DCAF10: variants seen among roughly 807,000 people sequenced by gnomAD.
DCAF10 encodes the protein DDB1 and CUL4 associated factor 10, also known as DDB1- and CUL4-associated factor 10.
In DCAF10, 19 loss-of-function variants were observed where a neutral mutation model predicts 51.9. That is an observed-to-expected ratio of 0.37 (90% CI 0.26 to 0.54). The LOEUF is 0.54. DCAF10 is among the 20% of genes least tolerant of loss of function. The pLI, the probability that DCAF10 is intolerant of heterozygous loss-of-function variation, is 0.87. For missense variants in DCAF10, 510 were observed against 730.6 expected (o/e 0.70, Z 3.48); for synonymous variants, 291 against 297.1 (o/e 0.98, Z 0.21).
At chr9:37,854,407 C>T (rs1004416746) in intron 3 of DCAF10, among the ~76,000 whole-genome samples, 3 of 152,058 alleles carry the variant, frequency 2.0e-5, no homozygotes, top group Non-Finnish European at 4.4e-5. Context: ...CATGCCTGGC[C>T]TCAAATATTT....
At position 37,867,454 on chromosome 9, in the gene DCAF10, T is replaced by C. The variant is rs893947411; in HGVS notation, c.*5946T>C. ...GCCCAACTGTGTTTCCTGATAAATT[T>C]TAGATTCACATTTTTAGGAAATTTG... On this transcript the variant is annotated 3_prime_UTR_variant, in exon 7 of 7. Coordinates refer to ENST00000377724, the MANE Select transcript of DCAF10 (RefSeq NM_024345.5). The C allele has an allele frequency of 6.6e-6, 1 of 151,916 alleles. No individual in the cohort carries two copies. The highest frequency in any genetic ancestry group is 2.4e-5 in the African/African-American group (1 of 41,332). 9.4% of individuals were successfully genotyped at this position (151,916 alleles called of 1,614,324 possible). A position where few individuals can be genotyped will look rare whatever the true frequency, so the allele number is the denominator to read the frequency against.
rs6476663 is a variant in DCAF10, at chr9:37,848,635, G to A, written c.852-6145G>A. Among the ~76,000 whole-genome samples the A allele has an allele frequency of 8.8e-3, 1,336 of 152,226 alleles. 21 individuals are homozygous for A. Among genetic ancestry groups the A allele is most frequent in the African/African-American group, 0.03 (1,250 of 41,530 alleles). ...AGGTGATGAAAATGTTCTAAAACTG[G>A]ATTGTGTTGATGATTGCACAGCTCT... is the stretch of plus-strand genomic sequence containing the variant. On this transcript the variant is annotated intron_variant, in intron 3 of 6. Coordinates refer to ENST00000377724, the MANE Select transcript of DCAF10 (RefSeq NM_024345.5).
At chr9:37,814,876 C>T (rs2841954) in intron 1 of DCAF10, among the ~76,000 whole-genome samples, 53,403 of 151,984 alleles carry the variant, frequency 0.35, 9,657 homozygotes, top group Non-Finnish European at 0.39. Flanking sequence ...TGTTAGCATA[C>T]ACTTTATACC....
chr9:37,840,387 C>G (rs1830297393), intron 2 of DCAF10, among the ~76,000 whole-genome samples: 1 of 152,066 alleles, frequency 6.6e-6, no homozygotes, highest in Non-Finnish European at 1.5e-5. Flanking sequence ...TCCAGTGGGG[C>G]AAGATGTGGA....
At chr9:37,858,833 T>C (rs1379441180) in intron 5 of DCAF10, among the ~76,000 whole-genome samples, 1 of 152,210 alleles carries the variant, frequency 6.6e-6, no homozygotes, top group Non-Finnish European at 1.5e-5. Flanking sequence ...CTTAGAGATG[T>C]AGCACAAATA....
intron 1 of DCAF10, among the ~76,000 whole-genome samples, chr9:37,808,786 T>TATATA (rs1829237798): frequency 1.6e-4 from 2 of 12,738 alleles, no homozygotes; most frequent in East Asian, 3.5e-3. Context: ...ATATTATATA[T>TATATA]TTTATATTTT....
chr9:37,830,064 G>C (rs1183707034), intron 2 of DCAF10, among the ~76,000 whole-genome samples: 1 of 150,800 alleles, frequency 6.6e-6, no homozygotes, highest in Admixed American at 6.6e-5. Context: ...GGTATATGAA[G>C]AAGATTCATT....
chr9:37,858,154 A>T (rs1830907745), intron 5 of DCAF10, among the ~76,000 whole-genome samples: 1 of 152,110 alleles, frequency 6.6e-6, no homozygotes, highest in African/African-American at 2.4e-5. Context: ...GGCTTTGCCT[A>T]GTAGATGCTG....
In DCAF10 at chr9:37,822,404, G is replaced by GATATATAT. The variant is rs59549239; in HGVS notation, c.653+3034_653+3041dup. 2.9e-3 allele frequency among the ~76,000 whole-genome samples: 362 copies of GATATATAT among 124,502 alleles called. 1 individual carries two copies. Among genetic ancestry groups the GATATATAT allele is most frequent in the South Asian group, 0.011 (33 of 3,010 alleles). The allele number at this position is 124,502 out of a possible 152,430, so 81.7% of individuals were successfully genotyped here. The stretch of plus-strand genomic sequence containing the variant: ...ATCAATGAATGGATAAAGAAACTGT[G>GATATATAT]ATATATATATATATATATATATATA... On this transcript the variant is annotated intron_variant, in intron 2 of 6. Transcript: ENST00000377724.
In DCAF10 at chr9:37,801,704, T is replaced by C. The variant is rs377162450; in HGVS notation, c.539+299T>C. Among the ~76,000 whole-genome samples the C allele has an allele frequency of 2.0e-5, 3 of 152,348 alleles. No individual in the cohort carries two copies. In the East Asian group the frequency reaches 5.8e-4, roughly 29 times the overall value. Reference sequence around the variant, plus strand: ...GTCAGAGCCAGCCCACAACTAGGGCTTTCTGGTACACAGTAGGTGCTCAGT... The same window carrying C: ...GTCAGAGCCAGCCCACAACTAGGGCCTTCTGGTACACAGTAGGTGCTCAGT... On this transcript the variant is annotated intron_variant, in intron 1 of 6. Transcript: ENST00000377724. This position sits in a 1 kb window ranked among gnomAD's most constrained non-coding sequence, Gnocchi z 5.5.
chr9:37,815,695 T>G (rs1829504689), intron 1 of DCAF10, among the ~76,000 whole-genome samples: 1 of 152,028 alleles, frequency 6.6e-6, no homozygotes, highest in African/African-American at 2.4e-5. Flanking sequence ...TTAGATGGTA[T>G]TATTATCAAC....
chr9:37,800,777 C>G, upstream of DCAF10: 1 of 1,521,744 alleles, frequency 6.6e-7, no homozygotes. Context: ...GGGGTTAGGC[C>G]GCTGCACGCC....
chr9:37,830,527 C>T (rs1347341571), intron 2 of DCAF10, among the ~76,000 whole-genome samples: 1 of 152,094 alleles, frequency 6.6e-6, no homozygotes. Flanking sequence ...TAGTGGTTCC[C>T]TCTGGGGAGG....
At chr9:37,845,200 T>C (rs1195940727) in intron 3 of DCAF10, among the ~76,000 whole-genome samples, 1 of 151,940 alleles carries the variant, frequency 6.6e-6, no homozygotes, top group African/African-American at 2.4e-5. Context: ...TGGAAAAAAG[T>C]AAAAGGATAA....
At chr9:37,802,141 CG>C (rs1828971034) in intron 1 of DCAF10, among the ~76,000 whole-genome samples, 1 of 152,210 alleles carries the variant, frequency 6.6e-6, no homozygotes, top group Non-Finnish European at 1.5e-5. Flanking sequence ...CCAAGCCTCT[CG>C]GTTGCTAGTT....
intron 3 of DCAF10, 141 bp from the exon 4 acceptor site, chr9:37,854,639 T>C: frequency 1.5e-6 from 1 of 684,282 alleles, no homozygotes; most frequent in Admixed American, 2.8e-5. Flanking sequence ...AACTTATTCC[T>C]CCTAATTGTA....
rs1047068223 is a variant in DCAF10, at chr9:37,838,573, C to T, written c.654-3516C>T. Reference sequence around the variant, plus strand: ...TAGTAGTAAAAAATTGTAAGCAATCCAAACACCCAAAAATTGCATATTCAT... The same window carrying T: ...TAGTAGTAAAAAATTGTAAGCAATCTAAACACCCAAAAATTGCATATTCAT... On this transcript the variant is annotated intron_variant, in intron 2 of 6. Coordinates refer to ENST00000377724, the MANE Select transcript of DCAF10 (RefSeq NM_024345.5). Among the ~76,000 whole-genome samples, 5 of 152,074 alleles carry T rather than the reference C, an allele frequency of 3.3e-5. No homozygotes were observed. In the South Asian group the frequency reaches 1.0e-3, roughly 32 times the overall value.
At chr9:37,853,933 T>C (rs1367004978) in intron 3 of DCAF10, among the ~76,000 whole-genome samples, 6 of 152,128 alleles carry the variant, frequency 3.9e-5, no homozygotes, top group Non-Finnish European at 7.4e-5. Flanking sequence ...AAAAATTGTT[T>C]TCTGTGACCA....
At chr9:37,808,520 T>TAA (rs1829199077) in intron 1 of DCAF10, among the ~76,000 whole-genome samples, 1 of 113,640 alleles carries the variant, frequency 8.8e-6, no homozygotes, top group Admixed American at 1.2e-4. Context: ...ATTTATATAA[T>TAA]ATATTATATA....
Sources: allele counts gnomAD v4.1 joint callset (sites outside exome capture counted in the v4.1 genomes callset), GRCh38; gene constraint gnomAD v4.1.1; non-coding constraint Gnocchi (gnomAD v3.1); transcripts MANE v1.5; gene names NCBI Gene and HGNC (gene_info 2026-07-23, HGNC 2026-07-21).